Variants in TANGO6 observed in about 807,000 individuals in gnomAD.
TANGO6 encodes the protein transport and Golgi organization protein 6 homolog.
TANGO6 carries 90 observed loss-of-function variants against 114.2 expected under a neutral mutation model. The observed-to-expected ratio is 0.79, with a 90% CI of 0.66 to 0.94. TANGO6 has a LOEUF of 0.94. TANGO6 is among the 40% of genes least tolerant of loss of function. The pLI is 0.00. For missense variants in TANGO6, 1,274 were observed against 1,315.3 expected (o/e 0.97, Z 0.49); for synonymous variants, 477 against 509.8 (o/e 0.94, Z 0.87).
In TANGO6 at chr16:68,873,434, C is replaced by T. The variant is rs367901993; in HGVS notation, c.995-1720C>T. On this transcript the variant is annotated intron_variant, in intron 4 of 17. Coordinates refer to ENST00000261778, the MANE Select transcript of TANGO6 (RefSeq NM_024562.2). ...GTTCAAGCGATTGTCCTGCCTCAAC[C>T]TCCCAAGTAGCTGGGATTACAGGCG... Among the ~76,000 whole-genome samples, 15 of 152,280 alleles carry T rather than the reference C, an allele frequency of 9.9e-5. No individual in the cohort carries two copies. The East Asian group carries it at 2.1e-3, about 22-fold the overall frequency.
At chr16:69,070,419 G>T (rs981879242) in intron 17 of TANGO6, among the ~76,000 whole-genome samples, 3 of 151,916 alleles carry the variant, frequency 2.0e-5, no homozygotes, top group Non-Finnish European at 2.9e-5. Flanking sequence ...GATCACCTGA[G>T]GTCAGAAGTT....
intron 14 of TANGO6, among the ~76,000 whole-genome samples, chr16:68,935,421 C>G (rs1364146049): frequency 6.6e-6 from 1 of 152,154 alleles, no homozygotes; most frequent in East Asian, 1.9e-4. Context: ...GAATAAAATA[C>G]AGCAGTTCAT....
At chr16:69,076,385 C>T (rs1223393023) in intron 17 of TANGO6, among the ~76,000 whole-genome samples, 1 of 152,110 alleles carries the variant, frequency 6.6e-6, no homozygotes, top group Non-Finnish European at 1.5e-5. Context: ...AGCCACCGTG[C>T]CCAGCCTCAT....
chr16:69,066,575 G>C (rs899705332), intron 17 of TANGO6, among the ~76,000 whole-genome samples: 4 of 152,150 alleles, frequency 2.6e-5, no homozygotes, highest in African/African-American at 9.7e-5. Context: ...GGGATTACAG[G>C]CATAAGCCAC....
chr16:68,906,330 A>G (rs1962849312), intron 9 of TANGO6, among the ~76,000 whole-genome samples: 2 of 152,236 alleles, frequency 1.3e-5, no homozygotes, highest in East Asian at 3.9e-4. Flanking sequence ...GGTTCCTTTC[A>G]GTTGAGACTG....
chr16:68,909,546 C>T (rs1278108607), intron 11 of TANGO6, 144 bp downstream of exon 11: 2 of 713,306 alleles, frequency 2.8e-6, no homozygotes, highest in South Asian at 5.3e-5. Context: ...AACTACACAG[C>T]CCACACCAGG....
Position 68,871,593 on chromosome 16 carries a change from A to G in TANGO6, c.995-3561A>G, listed in dbSNP as rs569757246. Reference sequence around the variant, plus strand: ...TTTTTGTGTGTGTCTTCTTTTCTCTATGTCTTTTTTATTTTTCTCTGTCTT... The same window carrying G: ...TTTTTGTGTGTGTCTTCTTTTCTCTGTGTCTTTTTTATTTTTCTCTGTCTT... On this transcript the variant is annotated intron_variant, in intron 4 of 17. Coordinates refer to ENST00000261778, the MANE Select transcript of TANGO6 (RefSeq NM_024562.2). 4.0e-5 allele frequency among the ~76,000 whole-genome samples: 6 copies of G among 151,764 alleles called. No individual in the cohort carries two copies. In the South Asian group the frequency reaches 1.0e-3, roughly 26 times the overall value.
Position 68,868,492 on chromosome 16 carries a change from A to ATTTT in TANGO6, c.994+1292_994+1295dup, listed in dbSNP as rs765054621. Among the ~76,000 whole-genome samples, 358 of 93,658 alleles carry ATTTT rather than the reference A, an allele frequency of 3.8e-3. 6 individuals are homozygous for ATTTT. Among genetic ancestry groups the ATTTT allele is most frequent in the African/African-American group, 0.014 (324 of 22,848 alleles). 61.4% of individuals were successfully genotyped at this position (93,658 alleles called of 152,430 possible). On this transcript the variant is annotated intron_variant, in intron 4 of 17. Transcript: ENST00000261778. ...TTCTGGTATTTACCTCTATATTTCT[A>ATTTT]TTTTTTTTTTTTTTTTTTTTTTTGA... is the stretch of plus-strand genomic sequence containing the variant.
At chr16:68,866,495 C>T (rs915236737) in intron 3 of TANGO6, among the ~76,000 whole-genome samples, 12 of 150,518 alleles carry the variant, frequency 8.0e-5, no homozygotes, top group Admixed American at 2.7e-4. Flanking sequence ...CGGTGGCGGG[C>T]GCCTGTAGTC....
At chr16:68,966,211 AC>A (rs1963643747) in intron 14 of TANGO6, among the ~76,000 whole-genome samples, 2 of 148,968 alleles carry the variant, frequency 1.3e-5, no homozygotes, top group South Asian at 4.3e-4. Flanking sequence ...GGGCGACAGA[AC>A]AAGACTCTGT....
At chr16:69,044,290 C>T (rs1031187463) in intron 17 of TANGO6, among the ~76,000 whole-genome samples, 1 of 152,150 alleles carries the variant, frequency 6.6e-6, no homozygotes, top group African/African-American at 2.4e-5. Context: ...GTCTCGAACT[C>T]GTGACCTCAA....
chr16:68,963,330 G>C (rs555198545), intron 14 of TANGO6, among the ~76,000 whole-genome samples: 69 of 152,212 alleles, frequency 4.5e-4, no homozygotes, highest in Middle Eastern at 6.8e-3. Flanking sequence ...TAGCCAGGCT[G>C]GTCTTGAACT....
chr16:68,845,182 G>A (rs1267205169), intron 1 of TANGO6, among the ~76,000 whole-genome samples: 2 of 152,044 alleles, frequency 1.3e-5, no homozygotes, highest in African/African-American at 4.8e-5. Context: ...TGGCCAGGCT[G>A]GTCTCGAACT....
Position 68,958,454 on chromosome 16 carries a change from A to G in TANGO6, c.2702-15574A>G, listed in dbSNP as rs564690742. Among the ~76,000 whole-genome samples, 471 of 143,370 alleles carry G rather than the reference A, an allele frequency of 3.3e-3. 4 individuals are homozygous for G. The highest frequency in any genetic ancestry group is 0.012 in the African/African-American group (443 of 37,914). The allele number at this position is 143,370 out of a possible 152,430, so 94.1% of individuals were successfully genotyped here. A position where few individuals can be genotyped will look rare whatever the true frequency, so the allele number is the denominator to read the frequency against. On this transcript the variant is annotated intron_variant, in intron 14 of 17. Transcript: ENST00000261778. ...CAGTGAGCTGAGATCGCGCCACTGC[A>G]CTCCAGCCTGGGCAGCAAGAGCGAA... is the stretch of plus-strand genomic sequence containing the variant.
chr16:68,952,461 A>G (rs1230896349), intron 14 of TANGO6, among the ~76,000 whole-genome samples: 2 of 152,216 alleles, frequency 1.3e-5, no homozygotes, highest in Admixed American at 1.3e-4. Context: ...TAAAATTCCT[A>G]ATCTCACCAG....
chr16:68,930,198 T>G (rs762229444), intron 13 of TANGO6, 40 bp from the exon 14 acceptor site: 1 of 1,528,704 alleles, frequency 6.5e-7, no homozygotes, highest in South Asian at 1.2e-5. Context: ...TCTTCCTTGT[T>G]CTTTGTAAAT....
chr16:68,953,050 T>TTTTTA (rs1555525236), intron 14 of TANGO6, among the ~76,000 whole-genome samples: 2 of 139,214 alleles, frequency 1.4e-5, no homozygotes, highest in Admixed American at 7.3e-5. Context: ...ACAGGTATTT[T>TTTTTA]TTATTATTAT....
intron 7 of TANGO6, among the ~76,000 whole-genome samples, chr16:68,886,765 C>G (rs530440118): frequency 1.3e-5 from 2 of 152,094 alleles, no homozygotes; most frequent in African/African-American, 4.8e-5. Context: ...CCTGCCTCAG[C>G]CTCCCAAAGT....
chr16:69,083,405 G>T (rs1960494323), intron 17 of TANGO6, 80 bp from the exon 18 acceptor site: 2 of 1,473,736 alleles, frequency 1.4e-6, no homozygotes, highest in Non-Finnish European at 1.8e-6. Context: ...ATCTCCTCAG[G>T]CAGGAGGAGA....
Sources: allele counts gnomAD v4.1 joint callset (sites outside exome capture counted in the v4.1 genomes callset), GRCh38; gene constraint gnomAD v4.1.1; transcripts MANE v1.5; gene names NCBI Gene and HGNC (gene_info 2026-07-23, HGNC 2026-07-21).